The following TAOK3 variants were observed in gnomAD, a reference collection of about 807,000 sequenced individuals.
TAOK3 encodes TAO kinase 3.
In TAOK3, 40 loss-of-function variants were observed where a neutral mutation model predicts 120.4. The observed-to-expected ratio is 0.33, with a 90% confidence interval of 0.26 to 0.43. The LOEUF (loss-of-function observed/expected upper bound fraction) is 0.43, where lower values mean the gene tolerates loss of function less well. Among genes scored for constraint, TAOK3 ranks in the 20% least tolerant of loss-of-function variants. The pLI is 1.00. For missense variants in TAOK3, 821 were observed against 1,112.1 expected, an observed-to-expected ratio of 0.74 and a Z score of 3.72; for synonymous variants, 355 against 387.5, an observed-to-expected ratio of 0.92 and a Z score of 0.99.
intron 1 of TAOK3, among the ~76,000 whole-genome samples, chr12:118,350,854 C>G (rs1280643885): frequency 7.3e-6 from 1 of 136,848 alleles, no homozygotes; most frequent in Non-Finnish European, 1.5e-5. Flanking sequence ...GACCAAAACT[C>G]CGTCTCAAAA....
intron 1 of TAOK3, among the ~76,000 whole-genome samples, chr12:118,362,440 G>A (rs1174436547): frequency 3.9e-5 from 6 of 152,016 alleles, no homozygotes. Context: ...GCAGCCTGCG[G>A]GCTATGGGTT....
At chr12:118,303,740 C>T (rs996651125) in intron 1 of TAOK3, among the ~76,000 whole-genome samples, 1 of 152,156 alleles carries the variant, frequency 6.6e-6, no homozygotes, top group Admixed American at 6.5e-5. Flanking sequence ...CTCCACCTCC[C>T]GGGTTTAAGC....
chr12:118,309,153 A>T (rs2043170049), intron 1 of TAOK3, among the ~76,000 whole-genome samples: 2 of 151,396 alleles, frequency 1.3e-5, no homozygotes, highest in Non-Finnish European at 2.9e-5. Flanking sequence ...ACGTGGCGAA[A>T]CCCCATCTCT....
At chr12:118,300,335 G>A (rs369998130) in intron 1 of TAOK3, among the ~76,000 whole-genome samples, 3 of 152,170 alleles carry the variant, frequency 2.0e-5, no homozygotes, top group South Asian at 4.1e-4. Context: ...GGCAGGCATC[G>A]CACTGAATTT....
In TAOK3 at chr12:118,255,428, A is replaced by C. The variant is rs771722901; in HGVS notation, c.120+20T>G. The C allele has an allele frequency of 3.3e-5, 53 of 1,613,456 alleles. No homozygotes were observed. Among genetic ancestry groups the C allele is most frequent in the Non-Finnish European group, 4.3e-5 (51 of 1,179,764 alleles). ...CCTTTCTTAATCTGATCTATCTAAA[A>C]GACTCTTTTAAGTACTTACAAAATA... On this transcript the variant is annotated intron_variant, in intron 3 of 20. Coordinates refer to ENST00000392533, the MANE Select transcript of TAOK3 (RefSeq NM_016281.4).
chr12:118,247,502 C>T (rs920004045), intron 3 of TAOK3, among the ~76,000 whole-genome samples: 5 of 151,728 alleles, frequency 3.3e-5, no homozygotes, highest in Non-Finnish European at 7.4e-5. Flanking sequence ...CACACACACA[C>T]ATACATACGT....
intron 1 of TAOK3, among the ~76,000 whole-genome samples, chr12:118,330,302 T>A (rs1377171390): frequency 6.6e-6 from 1 of 152,242 alleles, no homozygotes; most frequent in Non-Finnish European, 1.5e-5. Flanking sequence ...TGAGGTCTGA[T>A]AGGTCTTTAC....
intron 2 of TAOK3, among the ~76,000 whole-genome samples, chr12:118,264,923 A>G (rs2041378135): frequency 6.6e-6 from 1 of 151,694 alleles, no homozygotes; most frequent in Non-Finnish European, 1.5e-5. Flanking sequence ...AATCCCAGCT[A>G]GTTGGGAGAC....
chr12:118,245,672 C>T lies in TAOK3; in HGVS notation c.121-707G>A, dbSNP rs114084507. Among the ~76,000 whole-genome samples the T allele has an allele frequency of 8.6e-3, 1,312 of 152,190 alleles. 12 individuals carry two copies. Among genetic ancestry groups the T allele is most frequent in the African/African-American group, 0.029 (1,208 of 41,528 alleles). Reference sequence around the variant, plus strand: ...ACTGCAGTATCACAGTTCAAAGATGCTTCACTTTTTGATAGGCTAAATAGA... The same window carrying T: ...ACTGCAGTATCACAGTTCAAAGATGTTTCACTTTTTGATAGGCTAAATAGA... On this transcript the variant is annotated intron_variant, in intron 3 of 20. Coordinates refer to ENST00000392533, the MANE Select transcript of TAOK3 (RefSeq NM_016281.4).
intron 1 of TAOK3, among the ~76,000 whole-genome samples, chr12:118,290,887 C>T (rs906753516): frequency 8.0e-5 from 12 of 150,848 alleles, no homozygotes; most frequent in African/African-American, 2.4e-4. Context: ...AGTATTAGGG[C>T]GTTTACTTTT....
chr12:118,365,634 T>C (rs560383685), intron 1 of TAOK3, among the ~76,000 whole-genome samples: 1 of 152,310 alleles, frequency 6.6e-6, no homozygotes, highest in South Asian at 2.1e-4. Context: ...AATCTACTAG[T>C]TTGCTGATCA....
In TAOK3 at chr12:118,272,055, G is replaced by A. The variant is rs576844932; in HGVS notation, c.-193-5296C>T. Among the ~76,000 whole-genome samples the A allele has an allele frequency of 6.6e-5, 10 of 152,200 alleles. No homozygotes were observed. The South Asian group carries it at 1.2e-3, about 19-fold the overall frequency. On this transcript the variant is annotated intron_variant, in intron 1 of 20. Transcript: ENST00000392533. Reference sequence around the variant, plus strand: ...ATGTGCAATTGAAATAATTTTCTTCGCAAACACTTCTTTATTCTAAGAAAT... The same window carrying A: ...ATGTGCAATTGAAATAATTTTCTTCACAAACACTTCTTTATTCTAAGAAAT...
intron 9 of TAOK3, among the ~76,000 whole-genome samples, chr12:118,232,407 T>A (rs1280851675): frequency 1.3e-5 from 2 of 152,100 alleles, no homozygotes; most frequent in African/African-American, 2.4e-5. Context: ...AGTTTTAGAG[T>A]CAGATCCCTG....
intron 17 of TAOK3, among the ~76,000 whole-genome samples, chr12:118,165,162 T>C (rs2035500024): frequency 6.6e-6 from 1 of 152,216 alleles, no homozygotes; most frequent in African/African-American, 2.4e-5. Flanking sequence ...TTTTTCTTCT[T>C]TACCTAGACC....
At chr12:118,370,628 A>C (rs2045868471) in intron 1 of TAOK3, among the ~76,000 whole-genome samples, 1 of 152,246 alleles carries the variant, frequency 6.6e-6, no homozygotes, top group African/African-American at 2.4e-5. Flanking sequence ...GGTTTTAAAA[A>C]TTCAAATACA....
intron 5 of TAOK3, 71 bp downstream of exon 5, chr12:118,243,344 A>G: frequency 1.3e-6 from 1 of 798,422 alleles, no homozygotes; most frequent in South Asian, 1.6e-5. Flanking sequence ...TTACAGATCA[A>G]ATAGATAATA....
At chr12:118,301,516 A>G (rs1288937047) in intron 1 of TAOK3, among the ~76,000 whole-genome samples, 1 of 152,108 alleles carries the variant, frequency 6.6e-6, no homozygotes, top group African/African-American at 2.4e-5. Context: ...TTCCATTTAC[A>G]TCTGCAGTCA....
chr12:118,249,518 C>A (rs1318389141), intron 3 of TAOK3, among the ~76,000 whole-genome samples: 1 of 149,200 alleles, frequency 6.7e-6, no homozygotes, highest in Admixed American at 6.7e-5. Context: ...GCCAAGATTG[C>A]ACCACTGCAC....
intron 9 of TAOK3, among the ~76,000 whole-genome samples, chr12:118,223,929 C>A (rs1455709736): frequency 6.6e-6 from 1 of 152,134 alleles, no homozygotes; most frequent in African/African-American, 2.4e-5. Context: ...CATGAGTGGC[C>A]AAGCCCAGCC....
Sources: allele counts gnomAD v4.1 joint callset (sites outside exome capture counted in the v4.1 genomes callset), GRCh38; gene constraint gnomAD v4.1.1; transcripts MANE v1.5; gene names NCBI Gene and HGNC (gene_info 2026-07-23, HGNC 2026-07-21).